Variants in RBFOX1 observed in about 807,000 individuals in gnomAD.
The protein encoded by RBFOX1 is RNA binding protein fox-1 homolog 1.
RBFOX1 carries 8 observed loss-of-function variants against 57.7 expected under a neutral mutation model. The observed-to-expected ratio is 0.14, with a 90% CI of 0.08 to 0.25. RBFOX1 has a LOEUF of 0.25. Among genes scored for constraint, RBFOX1 ranks in the 10% least tolerant of loss-of-function variants. RBFOX1 has a pLI of 1.00. For synonymous variants in RBFOX1, 326 were observed against 222.4 expected (o/e 1.47, Z -4.15); for missense variants, 611 against 548.5 (o/e 1.11, Z -1.14).
chr16:6,607,336 T>C (rs1365934549), intron 2 of RBFOX1, among the ~76,000 whole-genome samples: 2 of 152,192 alleles, frequency 1.3e-5, no homozygotes, highest in African/African-American at 4.8e-5. Flanking sequence ...CATTAGGATA[T>C]AATAATTCAT....
At chr16:6,923,473 C>T (rs144072412) in intron 3 of RBFOX1, among the ~76,000 whole-genome samples, 4 of 152,216 alleles carry the variant, frequency 2.6e-5, no homozygotes, top group Admixed American at 2.0e-4. Flanking sequence ...GTGGAGGAGG[C>T]AGTGAGCCAA....
chr16:5,491,629 G>T lies in RBFOX1; in HGVS notation c.258+24375G>T, dbSNP rs934758864. Among the ~76,000 whole-genome samples the T allele has an allele frequency of 2.0e-5, 3 of 152,162 alleles. No homozygotes were observed. In the South Asian group the frequency reaches 6.2e-4, roughly 31 times the overall value. ...CTGATGAATCCTCAGTGATTTTTAC[G>T]TAGTGTTCATGTGCCTTTCAAACGT... On this transcript the variant is annotated intron_variant, in intron 2 of 2. Coordinates refer to the RBFOX1 transcript ENST00000585867.
At chr16:7,354,997 AAATT>A (rs1055842116) in intron 4 of RBFOX1, among the ~76,000 whole-genome samples, 9 of 152,220 alleles carry the variant, frequency 5.9e-5, no homozygotes, top group African/African-American at 2.2e-4. Context: ...ATAATAATAA[AAATT>A]AATAGTTAAC....
At chr16:6,201,201 C>T (rs977028309) in intron 1 of RBFOX1, among the ~76,000 whole-genome samples, 8 of 152,046 alleles carry the variant, frequency 5.3e-5, no homozygotes, top group South Asian at 2.1e-4. Context: ...TTTCTTCATT[C>T]CTCCGTTAGT....
At chr16:6,903,731 A>G (rs2069055516) in intron 3 of RBFOX1, among the ~76,000 whole-genome samples, 1 of 152,066 alleles carries the variant, frequency 6.6e-6, no homozygotes, top group Non-Finnish European at 1.5e-5. Flanking sequence ...AGGGACTAAT[A>G]GGACCTCAAA....
chr16:5,335,356 C>A (rs1160964753), intron 1 of RBFOX1, among the ~76,000 whole-genome samples: 1 of 152,096 alleles, frequency 6.6e-6, no homozygotes, highest in Non-Finnish European at 1.5e-5. Flanking sequence ...CTGAAGGTGC[C>A]TGAAGCTTTT....
In RBFOX1 at chr16:6,884,972, C is replaced by T. The variant is rs75581759; in HGVS notation, c.-15-167085C>T. Among the ~76,000 whole-genome samples, 909 of 152,270 alleles carry T rather than the reference C, an allele frequency of 6.0e-3. 14 individuals are homozygous for T. Among genetic ancestry groups the T allele is most frequent in the African/African-American group, 0.021 (858 of 41,554 alleles). ...GTAAAACTGAGACCGCAACCCAGAT[C>T]TATCTTATTCTAAAGCTTTGGTTGT... On this transcript the variant is annotated intron_variant, in intron 3 of 15. Transcript: ENST00000550418.
chr16:5,812,893 C>G (rs1055984000), intron 3 of RBFOX1, among the ~76,000 whole-genome samples: 5 of 151,940 alleles, frequency 3.3e-5, no homozygotes, highest in South Asian at 2.1e-4. Flanking sequence ...TGTGTATTTT[C>G]TTTGGTGAAG....
intron 3 of RBFOX1, among the ~76,000 whole-genome samples, chr16:5,809,954 A>G (rs2055361803): frequency 6.6e-6 from 1 of 152,230 alleles, no homozygotes; most frequent in African/African-American, 2.4e-5. Context: ...GACTGGATTA[A>G]GAAAATGTGG....
chr16:5,828,500 C>G (rs546976482), intron 3 of RBFOX1, among the ~76,000 whole-genome samples: 78 of 152,146 alleles, frequency 5.1e-4, no homozygotes, highest in African/African-American at 1.6e-3. Context: ...TAGATCAAGA[C>G]CATCCTGACC....
chr16:6,210,347 A>AC (rs1567684206), intron 1 of RBFOX1, among the ~76,000 whole-genome samples: 23 of 78,784 alleles, frequency 2.9e-4, no homozygotes, highest in South Asian at 1.6e-3. Context: ...CAAAAAAACA[A>AC]AAAAAAAAAA....
At position 7,669,234 on chromosome 16, in the gene RBFOX1, G is replaced by T. The variant is rs573953650; in HGVS notation, c.930+4266G>T. On this transcript the variant is annotated intron_variant, in intron 13 of 15. Transcript: ENST00000550418. ...AGCTATAGGTTTTATGAGGCTAGAA[G>T]TTGACCAAGGAGTGGAAAACAAGCA... Among the ~76,000 whole-genome samples the T allele has an allele frequency of 1.3e-5, 2 of 152,274 alleles. 1 individual carries two copies. The highest frequency in any genetic ancestry group is 4.2e-4 in the South Asian group (2 of 4,818).
At chr16:7,699,813 C>G (rs1056315406) in intron 14 of RBFOX1, among the ~76,000 whole-genome samples, 7 of 151,618 alleles carry the variant, frequency 4.6e-5, no homozygotes, top group African/African-American at 1.7e-4. Context: ...TATTATGTTT[C>G]TCTCAATCCC....
chr16:5,768,508 C>T (rs1373316875), intron 3 of RBFOX1, among the ~76,000 whole-genome samples: 1 of 152,154 alleles, frequency 6.6e-6, no homozygotes, highest in African/African-American at 2.4e-5. Flanking sequence ...GCTACAGGTG[C>T]AAAATGCAGA....
At chr16:5,648,772 T>C (rs1567344518) in intron 3 of RBFOX1, among the ~76,000 whole-genome samples, 1 of 152,168 alleles carries the variant, frequency 6.6e-6, no homozygotes, top group South Asian at 2.1e-4. Flanking sequence ...ATTTTAAAAA[T>C]CACATTTTAG....
Position 7,091,398 on chromosome 16 carries a change from C to G in RBFOX1, c.27+39300C>G, listed in dbSNP as rs1336202003. 2.0e-5 allele frequency among the ~76,000 whole-genome samples: 3 copies of G among 151,020 alleles called. No homozygotes were observed. In the East Asian group the frequency reaches 5.8e-4, roughly 29 times the overall value. On this transcript the variant is annotated intron_variant, in intron 4 of 15. Transcript: ENST00000550418. ...TTTTAGAAATATCATTTTATACAAACATACCTGGGTTTAAAATGGGAGAAG... is the reference window on the plus strand; with the variant it reads ...TTTTAGAAATATCATTTTATACAAAGATACCTGGGTTTAAAATGGGAGAAG...
chr16:7,384,966 A>G (rs973317600), intron 4 of RBFOX1, among the ~76,000 whole-genome samples: 2 of 152,220 alleles, frequency 1.3e-5, no homozygotes, highest in African/African-American at 4.8e-5. Flanking sequence ...ATGAAGAGGT[A>G]AGTTGACATT....
At chr16:5,626,906 C>G (rs551721177) in intron 3 of RBFOX1, among the ~76,000 whole-genome samples, 32 of 152,048 alleles carry the variant, frequency 2.1e-4, no homozygotes, top group Non-Finnish European at 3.8e-4. Flanking sequence ...TTCTGTTCTC[C>G]CCTTAACAAC....
At chr16:7,132,061 A>C (rs2070602033) in intron 4 of RBFOX1, among the ~76,000 whole-genome samples, 1 of 145,348 alleles carries the variant, frequency 6.9e-6, no homozygotes, top group Non-Finnish European at 1.5e-5. Context: ...GCACAATATC[A>C]GGTCACTGCA....
Sources: gnomAD v4.1 joint callset for allele counts (sites outside exome capture counted in the v4.1 genomes callset) on GRCh38, gnomAD v4.1.1 for gene constraint, MANE v1.5 for transcripts, NCBI Gene and HGNC (gene_info 2026-07-23, HGNC 2026-07-21) for gene names.